Variants in MAP3K13 observed in about 807,000 individuals in gnomAD.
The protein encoded by MAP3K13 is mitogen-activated protein kinase kinase kinase 13, also known as leucine zipper-bearing kinase.
Under a neutral mutation model 104.0 loss-of-function variants are expected in MAP3K13, and 52 were observed. The ratio of observed to expected loss-of-function variants is 0.50; its 90% CI spans 0.40 to 0.63. The LOEUF (loss-of-function observed/expected upper bound fraction) is 0.63, where lower values mean the gene tolerates loss of function less well. Among genes scored for constraint, MAP3K13 ranks in the 20% least tolerant of loss-of-function variants. The pLI is 0.00. For missense variants in MAP3K13, 914 were observed against 1,218.5 expected (o/e 0.75, Z 3.72); for synonymous variants, 394 against 442.2 (o/e 0.89, Z 1.37).
rs181159587 is a variant in MAP3K13 at position 185,454,585 on chromosome 3, G to C, written c.1278+3190G>C. ...TATATGATATATATGATATATATAT[G>C]ATATATAGATATATATGAGATATAT... On this transcript the variant is annotated intron_variant, in intron 7 of 13. Transcript: ENST00000265026. Among the ~76,000 whole-genome samples the C allele has an allele frequency of 3.1e-3, 300 of 98,066 alleles. 8 individuals carry two copies. Among genetic ancestry groups the C allele is most frequent in the African/African-American group, 0.012 (286 of 24,074 alleles). 64.3% of individuals were successfully genotyped at this position (98,066 alleles called of 152,430 possible). A position where few individuals can be genotyped will look rare whatever the true frequency, so the allele number is the denominator to read the frequency against.
intron 2 of MAP3K13, among the ~76,000 whole-genome samples, chr3:185,308,626 C>A (rs1201019104): frequency 6.6e-6 from 1 of 152,184 alleles, no homozygotes; most frequent in Non-Finnish European, 1.5e-5. Context: ...CCGCTGTTCT[C>A]AGTGGACCCC....
intron 2 of MAP3K13, among the ~76,000 whole-genome samples, chr3:185,296,148 G>T (rs1476245440): frequency 6.6e-6 from 1 of 152,200 alleles, no homozygotes; most frequent in Non-Finnish European, 1.5e-5. Flanking sequence ...GGAGGCTGAG[G>T]TGGAAGGATT....
intron 2 of MAP3K13, among the ~76,000 whole-genome samples, chr3:185,294,511 T>G (rs986645611): frequency 4.6e-5 from 7 of 152,338 alleles, no homozygotes; most frequent in Admixed American, 1.3e-4. Flanking sequence ...ATATGAATAT[T>G]TATCAGAAGA....
At chr3:185,430,300 A>G (rs1714669745) in intron 2 of MAP3K13, among the ~76,000 whole-genome samples, 1 of 152,152 alleles carries the variant, frequency 6.6e-6, no homozygotes, top group Non-Finnish European at 1.5e-5. Flanking sequence ...GGTGTTCTTT[A>G]TAACCTCATT....
intron 2 of MAP3K13, among the ~76,000 whole-genome samples, chr3:185,348,537 C>T (rs1031584662): frequency 1.4e-4 from 22 of 152,218 alleles, no homozygotes; most frequent in South Asian, 2.1e-4. Flanking sequence ...AGCAACACTA[C>T]CATAGGGGAC....
At chr3:185,373,129 G>A (rs567064732) in intron 1 of MAP3K13, among the ~76,000 whole-genome samples, 1 of 152,236 alleles carries the variant, frequency 6.6e-6, no homozygotes, top group South Asian at 2.1e-4. Flanking sequence ...AATCACTTCT[G>A]GTTTATTCTT....
Position 185,473,737 on chromosome 3 carries a change from T to G in MAP3K13, c.2406T>G (p.Pro802=). Residue 802 remains proline (P), a synonymous_variant, in exon 11 of 14, where the codon CCT becomes CCG. Coordinates refer to ENST00000265026, the MANE Select transcript of MAP3K13 (RefSeq NM_004721.5). This position sits in a 1 kb window ranked among gnomAD's most constrained non-coding sequence, Gnocchi z 4.9. The stretch of plus-strand genomic sequence containing the variant: ...ATCTCGGCACCCCTCCAGCGCTACC[T>G]CGAAAAACAAGGCCTCTGCAGAAGG... The part of the protein sequence containing the change: ...TSHLGTPPAL[P]RKTRPLQKSG... 2 of 1,613,176 alleles carry G rather than the reference T, an allele frequency of 1.2e-6. No individual in the cohort carries two copies. Among genetic ancestry groups the G allele is most frequent in the Non-Finnish European group, 1.7e-6 (2 of 1,179,790 alleles).
chr3:185,329,210 T>C (rs1722156523), intron 2 of MAP3K13: 1 of 702,946 alleles, frequency 1.4e-6, no homozygotes, highest in Admixed American at 2.0e-5. Context: ...ATTTCTAATG[T>C]CTTATGTTGA....
At chr3:185,328,340 T>C (rs1722115410) in intron 2 of MAP3K13, among the ~76,000 whole-genome samples, 1 of 152,178 alleles carries the variant, frequency 6.6e-6, no homozygotes, top group African/African-American at 2.4e-5. Context: ...TTTTGTTTTT[T>C]GAAATGGAGT....
chr3:185,457,149 C>T (rs1716809650), intron 7 of MAP3K13, among the ~76,000 whole-genome samples: 1 of 76,238 alleles, frequency 1.3e-5, no homozygotes, highest in Admixed American at 1.4e-4. Context: ...TCGGGTTCCT[C>T]ACCTGAACCG....
chr3:185,372,724 T>C (rs1724218345), intron 1 of MAP3K13, among the ~76,000 whole-genome samples: 1 of 152,208 alleles, frequency 6.6e-6, no homozygotes, highest in Non-Finnish European at 1.5e-5. Flanking sequence ...TTTTTTCTGC[T>C]AACTATTTAA....
intron 10 of MAP3K13, among the ~76,000 whole-genome samples, chr3:185,472,135 T>C (rs190523657): frequency 6.6e-6 from 1 of 152,256 alleles, no homozygotes; most frequent in Admixed American, 6.5e-5. Flanking sequence ...GATGAATTTT[T>C]TTCCTCACAA....
intron 2 of MAP3K13, among the ~76,000 whole-genome samples, chr3:185,352,171 G>A (rs994559550): frequency 3.9e-5 from 6 of 152,192 alleles, no homozygotes; most frequent in Admixed American, 1.3e-4. Context: ...GGGGCCGGGC[G>A]CGGTGGCTCA....
chr3:185,453,385 T>C (rs915692630), intron 7 of MAP3K13, among the ~76,000 whole-genome samples: 6 of 152,122 alleles, frequency 3.9e-5, no homozygotes, highest in African/African-American at 1.4e-4. Context: ...GCAATTGGCA[T>C]TTCAGCCTCC....
At chr3:185,443,364 G>A (rs1223564110) in intron 3 of MAP3K13, 81 bp from the exon 4 acceptor site, 1 of 969,806 alleles carries the variant, frequency 1.0e-6, no homozygotes, top group African/African-American at 1.6e-5. Flanking sequence ...TATAGAATTG[G>A]TTTTTATTAA....
chr3:185,358,576 T>G (rs10212458), upstream of MAP3K13, among the ~76,000 whole-genome samples: 1,118 of 152,300 alleles, frequency 7.3e-3, 9 homozygotes, highest in African/African-American at 0.025. Context: ...AAGAATGTTT[T>G]TCCTTAGATG....
intron 1 of MAP3K13, among the ~76,000 whole-genome samples, chr3:185,284,247 A>G (rs1720423051): frequency 6.6e-6 from 1 of 152,178 alleles, no homozygotes; most frequent in African/African-American, 2.4e-5. Context: ...TTGAGAATAT[A>G]TCTTATATTT....
At chr3:185,311,603 C>T (rs761185219) in intron 2 of MAP3K13, among the ~76,000 whole-genome samples, 1 of 152,186 alleles carries the variant, frequency 6.6e-6, no homozygotes, top group African/African-American at 2.4e-5. Context: ...GGGAGGTCCT[C>T]AGGCTCATCA....
intron 2 of MAP3K13, among the ~76,000 whole-genome samples, chr3:185,340,913 C>T (rs1722696151): frequency 1.3e-5 from 2 of 152,154 alleles, no homozygotes; most frequent in Non-Finnish European, 2.9e-5. Flanking sequence ...AACATCTTTC[C>T]TTTATAAATG....
Sources: allele counts gnomAD v4.1 joint callset (sites outside exome capture counted in the v4.1 genomes callset), GRCh38; gene constraint gnomAD v4.1.1; non-coding constraint Gnocchi (gnomAD v3.1); transcripts MANE v1.5; gene names NCBI Gene and HGNC (gene_info 2026-07-23, HGNC 2026-07-21).